MYH8: variants seen among roughly 807,000 people sequenced by gnomAD.
The protein encoded by MYH8 is myosin heavy chain 8.
Under a neutral mutation model 233.2 loss-of-function variants are expected in MYH8, and 168 were observed. The ratio of observed to expected loss-of-function variants is 0.72; its 90% CI spans 0.64 to 0.82. The LOEUF is 0.82. Among genes scored for constraint, MYH8 ranks in the 40% least tolerant of loss-of-function variants. MYH8 has a pLI of 0.00. For missense variants in MYH8, 1,995 were observed against 2,327.8 expected (o/e 0.86, Z 2.94); for synonymous variants, 785 against 850.6 (o/e 0.92, Z 1.34).
chr17:10,408,431 C>G (rs992944930), intron 17 of MYH8, among the ~76,000 whole-genome samples: 2 of 152,056 alleles, frequency 1.3e-5, no homozygotes, highest in African/African-American at 2.4e-5. Context: ...GATCATAGGT[C>G]GTATGTCGTG....
At chr17:10,407,646 C>T (rs1261958988) in intron 17 of MYH8, among the ~76,000 whole-genome samples, 1 of 151,964 alleles carries the variant, frequency 6.6e-6, no homozygotes, top group Non-Finnish European at 1.5e-5. Context: ...CGAGACCAGC[C>T]TGGGCAACGT....
chr17:10,416,778 T>G (rs1346058188), intron 5 of MYH8, among the ~76,000 whole-genome samples: 1 of 152,176 alleles, frequency 6.6e-6, no homozygotes, highest in African/African-American at 2.4e-5. Context: ...GTTATTAATA[T>G]TTGGCCAATT....
intron 34 of MYH8, 61 bp from the exon 35 acceptor site, chr17:10,394,513 G>T (rs545072064): frequency 1.3e-6 from 2 of 1,556,362 alleles, no homozygotes; most frequent in African/African-American, 2.7e-5. Flanking sequence ...GATCCCAGGA[G>T]ATGAACTGGG....
intron 30 of MYH8, among the ~76,000 whole-genome samples, chr17:10,397,191 C>G (rs1241776659): frequency 6.6e-6 from 1 of 152,232 alleles, no homozygotes; most frequent in African/African-American, 2.4e-5. Context: ...ATTCTCCTGC[C>G]TCAGTTTCCC....
intron 14 of MYH8, among the ~76,000 whole-genome samples, chr17:10,411,186 C>T (rs1437107209): frequency 6.6e-6 from 1 of 152,060 alleles, no homozygotes; most frequent in Admixed American, 6.5e-5. Context: ...ACCATCCTGG[C>T]CAACATGGTG....
At chr17:10,390,663 C>A in intron 39 of MYH8, 60 bp from the exon 40 acceptor site, 1 of 1,570,140 alleles carries the variant, frequency 6.4e-7, no homozygotes, top group Non-Finnish European at 8.8e-7. Context: ...CACTTATCAC[C>A]AGACAGGATT....
chr17:10,412,515 T>G lies in MYH8; in HGVS notation c.1271A>C (p.Tyr424Ser). The change falls in exon 14 of 40, where the codon TAC becomes TCC. Residue 424 changes from tyrosine to serine, a missense_variant. By Grantham distance (144) the Tyr-to-Ser change is moderately radical. Transcript: ENST00000403437. ...TTTGGCCAGAGCACCCACCGCATTG[T>G]ACACCTTCACAGATAGAGTAATGTT... ...VTKGQTVQQV[Y>S]NAVGALAKAV... The G allele has an allele frequency of 1.2e-6, 2 of 1,614,256 alleles. No homozygotes were observed.
intron 17 of MYH8, among the ~76,000 whole-genome samples, chr17:10,407,732 G>T (rs1193736817): frequency 6.6e-6 from 1 of 151,850 alleles, no homozygotes; most frequent in African/African-American, 2.4e-5. Context: ...CCAGCTACTT[G>T]GGAGGCTGAG....
rs558356192 is a variant in MYH8 at position 10,417,431 on chromosome 17, C to T, written c.511+1214G>A. ...ATTTGTTTTCTAGTATAAGTAAAAC[C>T]GTGGAAGATTATATCACATCTAGTG... is the stretch of plus-strand genomic sequence containing the variant. On this transcript the variant is annotated intron_variant, in intron 5 of 39. Transcript: ENST00000403437. The surrounding 1 kb of genome is among the most constrained non-coding windows in gnomAD (Gnocchi z 4.1). 2.0e-4 allele frequency among the ~76,000 whole-genome samples: 30 copies of T among 152,186 alleles called. No homozygotes were observed. Among genetic ancestry groups the T allele is most frequent in the African/African-American group, 6.0e-4 (25 of 41,514 alleles).
rs2072104025 is a variant in MYH8, at chr17:10,398,795, CA to C, written c.3953del (p.Leu1318ArgfsTer5). ...KQASTQQIEE[L>X]KHQLEEETKA... is the part of the protein sequence containing the mutation. ...TAGTTTCTTCCTCTAGTTGATGTTT[CA>C]GCTCTTCAATCTGCTGAGTAGATGC... On this transcript the variant is annotated frameshift_variant, in exon 29 of 40. Coordinates refer to ENST00000403437, the MANE Select transcript of MYH8 (RefSeq NM_002472.3). LOFTEE classifies it high-confidence loss of function. The C allele has an allele frequency of 6.2e-7, 1 of 1,614,120 alleles. No homozygotes were observed. The highest frequency in any genetic ancestry group is 8.5e-7 in the Non-Finnish European group (1 of 1,180,020).
At chr17:10,405,962 G>T in intron 21 of MYH8, 79 bp downstream of exon 21, 3 of 1,554,332 alleles carry the variant, frequency 1.9e-6, no homozygotes, top group Non-Finnish European at 2.7e-6. Context: ...GCCACCAAAT[G>T]AAAGAATTAA....
At chr17:10,394,204 A>C in intron 35 of MYH8, 45 bp downstream of exon 35, 1 of 1,612,060 alleles carries the variant, frequency 6.2e-7, no homozygotes, top group Non-Finnish European at 8.5e-7. Context: ...ATTCGAATGC[A>C]TCAGCTACCA....
rs545419234 is a variant in MYH8, at chr17:10,420,428, G to GTA, written c.-30-173_-30-172dup. ...TAAAGGACAAGTATGGAGTGAGACT[G>GTA]TAATTTGAGATTTCATTTTTAGGAC... On this transcript the variant is annotated intron_variant, in intron 2 of 39. Coordinates refer to ENST00000403437, the MANE Select transcript of MYH8 (RefSeq NM_002472.3). Among the ~76,000 whole-genome samples the GTA allele has an allele frequency of 2.3e-3, 348 of 152,368 alleles. 8 individuals carry two copies. Among genetic ancestry groups the GTA allele is most frequent in the Admixed American group, 0.022 (330 of 15,302 alleles).
chr17:10,395,807 T>C (rs1002660357), intron 33 of MYH8, among the ~76,000 whole-genome samples: 2 of 152,120 alleles, frequency 1.3e-5, no homozygotes, highest in Admixed American at 6.5e-5. Flanking sequence ...TAATTTTTTT[T>C]CCGATTACAT....
At chr17:10,399,752 AAAT>A in intron 27 of MYH8, 83 bp from the exon 28 acceptor site, 2 of 1,571,310 alleles carry the variant, frequency 1.3e-6, no homozygotes, top group Non-Finnish European at 1.7e-6. Context: ...TTTGTAGAGT[AAAT>A]AAATTCATGT....
At position 10,415,733 on chromosome 17, in the gene MYH8, G is replaced by A. The variant is rs369338386; in HGVS notation, c.512-25C>T. 147 of 1,606,378 alleles carry A rather than the reference G, an allele frequency of 9.2e-5. No homozygotes were observed. Among genetic ancestry groups the A allele is most frequent in the Middle Eastern group, 3.3e-4 (2 of 6,048 alleles). ...TCTGTGAAAGAATTCAAAATCATCC[G>A]TTAAAAAATGCATATTTAATATGAA... On this transcript the variant is annotated intron_variant, in intron 5 of 39. Coordinates refer to ENST00000403437, the MANE Select transcript of MYH8 (RefSeq NM_002472.3). This position sits in a 1 kb window ranked among gnomAD's most constrained non-coding sequence, Gnocchi z 4.1.
intron 22 of MYH8, 25 bp from the exon 23 acceptor site, chr17:10,401,810 T>G: frequency 6.2e-7 from 1 of 1,614,094 alleles, no homozygotes; most frequent in Non-Finnish European, 8.5e-7. Flanking sequence ...ATTCAGATAC[T>G]TAGAGTCTGT....
intron 38 of MYH8, 83 bp from the exon 39 acceptor site, chr17:10,392,060 A>G: frequency 1.7e-6 from 2 of 1,154,382 alleles, no homozygotes; most frequent in Non-Finnish European, 2.6e-6. Context: ...ATTTGGCATG[A>G]TGGCAGGTGG....
chr17:10,398,451 C>T lies in MYH8; in HGVS notation c.4171G>A (p.Glu1391Lys), dbSNP rs988068417. Residue 1391 changes from glutamate to lysine, a missense_variant, in exon 30 of 40, where the codon GAG becomes AAG. Glu to Lys is a moderately conservative substitution (Grantham distance 56). This residue lies in a region of MYH8 where 1,498 missense variants were observed against 1,680.9 expected (regional missense o/e 0.89). Transcript: ENST00000403437. ...DAIQRTEELEEAKKKLAQRLQ... is the reference protein window; with the variant it reads ...DAIQRTEELEKAKKKLAQRLQ... ...AGAGTTCACAGCACATACTTGGCCT[C>T]CTCCAGCTCCTCTGTGCGCTGGATG... 2 of 1,614,008 alleles carry T rather than the reference C, an allele frequency of 1.2e-6. No individual in the cohort carries two copies.
Sources: allele counts gnomAD v4.1 joint callset (sites outside exome capture counted in the v4.1 genomes callset), GRCh38; gene constraint gnomAD v4.1.1; regional missense constraint gnomAD v4.1.1; non-coding constraint Gnocchi (gnomAD v3.1); transcripts MANE v1.5; gene names NCBI Gene and HGNC (gene_info 2026-07-23, HGNC 2026-07-21).